Variants in METTL15 observed in about 807,000 individuals in gnomAD.
METTL15 encodes the protein methyltransferase 15, mitochondrial 12S rRNA N4-cytidine.
In METTL15, 34 loss-of-function variants were observed where a neutral mutation model predicts 38.3. The observed-to-expected ratio is 0.89, with a 90% confidence interval of 0.68 to 1.18. The LOEUF is 1.18. Ranked by LOEUF, METTL15 falls within the 50% of genes most tolerant of loss-of-function variation. METTL15 has a pLI of 0.00. For missense variants in METTL15, 438 were observed against 498.4 expected (o/e 0.88, Z 1.15); for synonymous variants, 162 against 170.9 (o/e 0.95, Z 0.41).
intron 6 of METTL15, among the ~76,000 whole-genome samples, chr11:28,448,131 G>A (rs1462627161): frequency 6.6e-6 from 1 of 152,062 alleles, no homozygotes; most frequent in Non-Finnish European, 1.5e-5. Context: ...ACAGAGTAGG[G>A]TTTCTGCATG....
chr11:28,476,137 A>G (rs1851344535), intron 6 of METTL15, among the ~76,000 whole-genome samples: 1 of 152,222 alleles, frequency 6.6e-6, no homozygotes, highest in South Asian at 2.1e-4. Flanking sequence ...GAGGCTCCCC[A>G]CTGGGTTGCT....
intron 6 of METTL15, among the ~76,000 whole-genome samples, chr11:28,459,609 G>A (rs1403886527): frequency 1.3e-5 from 2 of 152,088 alleles, no homozygotes; most frequent in East Asian, 3.9e-4. Context: ...AAATTGTATA[G>A]GTTGAAAGAT....
At chr11:28,481,728 G>A (rs763994615) in intron 6 of METTL15, among the ~76,000 whole-genome samples, 3 of 152,150 alleles carry the variant, frequency 2.0e-5, no homozygotes, top group Non-Finnish European at 4.4e-5. Flanking sequence ...GCTGCTCAGC[G>A]CTGCCTGTGT....
At chr11:28,472,496 T>G (rs1172839269) in intron 6 of METTL15, among the ~76,000 whole-genome samples, 1 of 152,118 alleles carries the variant, frequency 6.6e-6, no homozygotes, top group Non-Finnish European at 1.5e-5. Context: ...GTAGATTCCA[T>G]GAAGAAATTC....
At chr11:28,414,783 A>G (rs1850759081) in intron 5 of METTL15, among the ~76,000 whole-genome samples, 2 of 152,228 alleles carry the variant, frequency 1.3e-5, no homozygotes, top group South Asian at 4.1e-4. Context: ...TTTAATTGAA[A>G]GATGCCATCA....
At chr11:28,159,391 C>T (rs1196357757) in intron 3 of METTL15, among the ~76,000 whole-genome samples, 1 of 150,882 alleles carries the variant, frequency 6.6e-6, no homozygotes, top group Non-Finnish European at 1.5e-5. Flanking sequence ...CCAATCCAGG[C>T]AGGACTACAA....
chr11:28,421,923 CTTATA>C (rs1850823876), intron 5 of METTL15, among the ~76,000 whole-genome samples: 1 of 151,892 alleles, frequency 6.6e-6, no homozygotes, highest in Non-Finnish European at 1.5e-5. Flanking sequence ...ATGATATGAT[CTTATA>C]TTTGGAATAC....
At chr11:28,396,964 A>G (rs1429082288) in intron 5 of METTL15, among the ~76,000 whole-genome samples, 3 of 103,342 alleles carry the variant, frequency 2.9e-5, no homozygotes, top group Non-Finnish European at 5.6e-5. Flanking sequence ...GATCTTTGAC[A>G]AACCTGAGAA....
intron 5 of METTL15, among the ~76,000 whole-genome samples, chr11:28,411,807 T>G (rs1286828905): frequency 2.6e-5 from 4 of 152,088 alleles, no homozygotes; most frequent in African/African-American, 9.6e-5. Context: ...AAAAGAAACC[T>G]TCTGAACTGG....
chr11:28,354,136 G>A (rs1462743181), intron 4 of METTL15, among the ~76,000 whole-genome samples: 1 of 152,080 alleles, frequency 6.6e-6, no homozygotes, highest in Non-Finnish European at 1.5e-5. Context: ...AGAGAGAGTA[G>A]GTTAACAGCG....
chr11:28,509,389 A>C (rs1489950588), intron 6 of METTL15, among the ~76,000 whole-genome samples: 2 of 152,030 alleles, frequency 1.3e-5, no homozygotes, highest in South Asian at 4.1e-4. Flanking sequence ...ATGTATGATG[A>C]GTGAGGTTTT....
At chr11:28,145,717 C>T (rs1027797223) in intron 3 of METTL15, 2 of 151,968 alleles carry the variant, frequency 1.3e-5, no homozygotes, top group African/African-American at 2.4e-5. Flanking sequence ...CATTATTACT[C>T]TGTGATTTAA....
At chr11:28,110,053 T>A (rs1435200141) in intron 1 of METTL15, 113 bp from the exon 2 acceptor site, 1 of 152,152 alleles carries the variant, frequency 6.6e-6, no homozygotes, top group East Asian at 1.9e-4. Flanking sequence ...AGAGCAGAGA[T>A]AAGGATAAAT....
chr11:28,338,358 T>C (rs1463766897), downstream of METTL15, among the ~76,000 whole-genome samples: 1 of 152,158 alleles, frequency 6.6e-6, no homozygotes, highest in African/African-American at 2.4e-5. Flanking sequence ...CTTCTCTTAA[T>C]AGTTAATGTT....
chr11:28,234,560 G>A (rs1409096889), intron 4 of METTL15, among the ~76,000 whole-genome samples: 1 of 151,858 alleles, frequency 6.6e-6, no homozygotes, highest in Non-Finnish European at 1.5e-5. Context: ...GGCCAGTGAT[G>A]ATGAGCATTT....
intron 3 of METTL15, among the ~76,000 whole-genome samples, chr11:28,346,802 G>T (rs1849999915): frequency 2.0e-5 from 3 of 152,084 alleles, no homozygotes; most frequent in Admixed American, 2.0e-4. Context: ...ACAACAACTT[G>T]TGTTCCATAA....
chr11:28,399,099 A>T (rs879518665), intron 5 of METTL15: 3 of 152,100 alleles, frequency 2.0e-5, no homozygotes, highest in Non-Finnish European at 4.4e-5. Context: ...ACCAAAACAG[A>T]GATATAGACC....
chr11:28,155,426 AC>A (rs1367117677), intron 3 of METTL15, among the ~76,000 whole-genome samples: 1 of 152,102 alleles, frequency 6.6e-6, no homozygotes, highest in Non-Finnish European at 1.5e-5. Flanking sequence ...AGGAACATGG[AC>A]CTTATTACTT....
At chr11:28,339,261 AATGTG>A (rs1849928560) in intron 3 of METTL15, among the ~76,000 whole-genome samples, 1 of 152,116 alleles carries the variant, frequency 6.6e-6, no homozygotes. Context: ...GTCATGAAGA[AATGTG>A]ATGTGATTTT....
Sources: gnomAD v4.1 joint callset for allele counts (sites outside exome capture counted in the v4.1 genomes callset) on GRCh38, gnomAD v4.1.1 for gene constraint, MANE v1.5 for transcripts, NCBI Gene and HGNC (gene_info 2026-07-23, HGNC 2026-07-21) for gene names.